UACA: variants seen among roughly 807,000 people sequenced by gnomAD.
The protein encoded by UACA is nuclear membrane binding protein.
A neutral mutation model predicts 160.5 loss-of-function variants in UACA; 112 were observed. That is an observed-to-expected ratio of 0.70 (90% confidence interval 0.60 to 0.82). The LOEUF (loss-of-function observed/expected upper bound fraction) is 0.82. Ranked by LOEUF, UACA falls within the 40% of genes least tolerant of loss-of-function variation. UACA has a pLI of 0.00. For synonymous variants in UACA, 557 were observed against 568.4 expected (o/e 0.98, Z 0.29); for missense variants, 1,574 against 1,614.6 (o/e 0.97, Z 0.43).
the UACA span, among the ~76,000 whole-genome samples, chr15:70,771,886 TG>T: frequency 6.6e-6 from 1 of 152,124 alleles, no homozygotes; most frequent in Admixed American, 6.5e-5. Flanking sequence ...AAGGCCAGTG[TG>T]GCTGGAGCAT....
intron 9 of UACA, among the ~76,000 whole-genome samples, chr15:70,682,549 CTG>C (rs2140933811): frequency 6.6e-6 from 1 of 152,230 alleles, no homozygotes; most frequent in East Asian, 1.9e-4. Flanking sequence ...TTCATTGAAA[CTG>C]AGATCTAATG....
chr15:70,706,263 G>A (rs999752255), intron 1 of UACA, among the ~76,000 whole-genome samples: 1 of 151,982 alleles, frequency 6.6e-6, no homozygotes, highest in Non-Finnish European at 1.5e-5. Context: ...ACTGTGACTA[G>A]AAGGAAACTG....
rs900765014 is a variant in UACA at position 70,668,767 on chromosome 15, T to C, written c.1917A>G (p.Leu639=). Residue 639 remains leucine, a synonymous_variant, in exon 16 of 19, where the codon TTA becomes TTG. Transcript: ENST00000322954. ...TTGCTTTCTCATTCACTTCATTTGATAATGAGCTCTTCATGTTTTCAAATT... is the reference window on the plus strand; with the variant it reads ...TTGCTTTCTCATTCACTTCATTTGACAATGAGCTCTTCATGTTTTCAAATT... The part of the protein sequence containing the change: ...AEKFENMKSS[L]SNEVNEKAKK... 1 of 1,613,850 alleles carries C rather than the reference T, an allele frequency of 6.2e-7. No individual in the cohort carries two copies. Among genetic ancestry groups the C allele is most frequent in the African/African-American group, 1.3e-5 (1 of 74,930 alleles).
In UACA at chr15:70,699,541, C is replaced by G; in HGVS notation, c.198G>C (p.Val66=). Residue 66 remains valine, a synonymous_variant, in exon 2 of 19, where the codon GTG becomes GTC. Transcript: ENST00000322954. ...ATAATACTTACACAGATCTGCCTTCCACATCTAGTTTGCCTGGATTGACCC... is the reference window on the plus strand; with the variant it reads ...ATAATACTTACACAGATCTGCCTTCGACATCTAGTTTGCCTGGATTGACCC... ...KKGVNPGKLD[V]EGRSVFHVVT... 1 of 1,611,010 alleles carries G rather than the reference C, an allele frequency of 6.2e-7. No individual in the cohort carries two copies.
chr15:70,702,037 C>T, intron 1 of UACA: 1 of 1,457,026 alleles, frequency 6.9e-7, no homozygotes, highest in Non-Finnish European at 9.0e-7. Context: ...CCCTCACATG[C>T]TGTGCTACAC....
chr15:70,678,015 T>C (rs1897350886), intron 11 of UACA, 84 bp downstream of exon 11: 1 of 1,080,068 alleles, frequency 9.3e-7, no homozygotes, highest in Non-Finnish European at 1.3e-6. Flanking sequence ...AATGAGCTAA[T>C]TTTACCTTCT....
the UACA span, among the ~76,000 whole-genome samples, chr15:70,771,721 GTCTT>G: frequency 8.5e-5 from 13 of 152,356 alleles, no homozygotes; most frequent in Non-Finnish European, 1.9e-4. Flanking sequence ...GTTGAGGAAA[GTCTT>G]TCTGGAAAAG....
intron 1 of UACA, among the ~76,000 whole-genome samples, chr15:70,714,243 TTCCATTTAG>T (rs1485353838): frequency 6.6e-6 from 1 of 152,186 alleles, no homozygotes; most frequent in Non-Finnish European, 1.5e-5. Flanking sequence ...ATTTCCCCCA[TTCCATTTAG>T]TCCAAAGGTT....
Position 70,701,655 on chromosome 15 carries a change from G to C in UACA, c.79-1995C>G, listed in dbSNP as rs544144557. On this transcript the variant is annotated intron_variant, in intron 1 of 18. Coordinates refer to ENST00000322954, the MANE Select transcript of UACA (RefSeq NM_018003.4). Reference sequence around the variant, plus strand: ...AGCTCTGATTCACTGTCAGTTAACAGTAACACTGTACAATTATTAAGATTT... The same window carrying C: ...AGCTCTGATTCACTGTCAGTTAACACTAACACTGTACAATTATTAAGATTT... Among the ~76,000 whole-genome samples, 21 of 152,326 alleles carry C rather than the reference G, an allele frequency of 1.4e-4. No individual in the cohort carries two copies. The South Asian group carries it at 4.3e-3, about 32-fold the overall frequency.
the UACA span, among the ~76,000 whole-genome samples, chr15:70,772,710 T>C: frequency 6.6e-6 from 1 of 151,890 alleles, no homozygotes; most frequent in Non-Finnish European, 1.5e-5. Context: ...GCCAAATAAA[T>C]GTAATTTAAA....
chr15:70,707,036 A>G (rs1374399379), intron 1 of UACA, among the ~76,000 whole-genome samples: 1 of 152,222 alleles, frequency 6.6e-6, no homozygotes, highest in Non-Finnish European at 1.5e-5. Context: ...ATTTCAAAGC[A>G]TATTATGAAG....
chr15:70,748,207 A>C (rs1354116609), intron 1 of UACA, among the ~76,000 whole-genome samples: 2 of 152,188 alleles, frequency 1.3e-5, no homozygotes, highest in African/African-American at 4.8e-5. Flanking sequence ...AACTTCAATA[A>C]ATTTCAATTC....
At chr15:70,756,709 C>T (rs935052146) in intron 1 of UACA, among the ~76,000 whole-genome samples, 4 of 152,094 alleles carry the variant, frequency 2.6e-5, no homozygotes, top group Admixed American at 2.6e-4. Flanking sequence ...CCTGTCTCTA[C>T]CAAAAATACA....
chr15:70,763,398 G>A lies in UACA; in HGVS notation c.10C>T (p.Leu4Phe). ...TCCTGCCTCCTCAGGCGGGACTTGA[G>A]GCTCTTCATGGCTAACTCTTGCCTG... MKS[L>F]KSRLRRQDVP... The change falls in exon 1 of 19, where the codon CTC (leucine) becomes TTC (phenylalanine). Residue 4 changes from leucine to phenylalanine, a missense_variant. Coordinates refer to ENST00000322954, the MANE Select transcript of UACA (RefSeq NM_018003.4). 1 of 1,320,756 alleles carries A rather than the reference G, an allele frequency of 7.6e-7. No homozygotes were observed. The highest frequency in any genetic ancestry group is 9.7e-7 in the Non-Finnish European group (1 of 1,027,394). 81.8% of individuals were successfully genotyped at this position (1,320,756 alleles called of 1,614,324 possible).
chr15:70,741,714 A>C (rs1026161217), intron 1 of UACA, among the ~76,000 whole-genome samples: 9 of 152,222 alleles, frequency 5.9e-5, no homozygotes, highest in African/African-American at 2.2e-4. Context: ...TGTGATTAAA[A>C]CGTTAGTTTT....
At chr15:70,740,094 CA>C (rs1395792556) in intron 1 of UACA, among the ~76,000 whole-genome samples, 2 of 152,060 alleles carry the variant, frequency 1.3e-5, no homozygotes, top group African/African-American at 4.8e-5. Flanking sequence ...AAAAAGCAAC[CA>C]AGAAATATTT....
At position 70,666,607 on chromosome 15, in the gene UACA, T is replaced by C. The variant is rs1402364463; in HGVS notation, c.3960+117A>G. On this transcript the variant is annotated intron_variant, in intron 16 of 18. Coordinates refer to ENST00000322954, the MANE Select transcript of UACA (RefSeq NM_018003.4). The stretch of plus-strand genomic sequence containing the variant: ...TTCGGAATTTTTGCACGCAAGTTGC[T>C]AAACTGGAAAGGGTCACTTTGTTAA... The C allele has an allele frequency of 9.7e-6, 8 of 826,770 alleles. No homozygotes were observed. The African/African-American group carries it at 1.4e-4, about 15-fold the overall frequency. 51.2% of individuals were successfully genotyped at this position (826,770 alleles called of 1,614,324 possible).
chr15:70,759,963 TA>T (rs2030649431), intron 1 of UACA, among the ~76,000 whole-genome samples: 1 of 152,240 alleles, frequency 6.6e-6, no homozygotes, highest in African/African-American at 2.4e-5. Flanking sequence ...TATTATGTAA[TA>T]AAATACTGCA....
upstream of UACA, among the ~76,000 whole-genome samples, chr15:70,767,209 C>T (rs1408798683): frequency 2.9e-5 from 4 of 139,720 alleles, no homozygotes; most frequent in Admixed American, 1.5e-4. Flanking sequence ...CACTGCACTC[C>T]GGCCTGAGCG....
Sources: gnomAD v4.1 joint callset for allele counts (sites outside exome capture counted in the v4.1 genomes callset) on GRCh38, gnomAD v4.1.1 for gene constraint, MANE v1.5 for transcripts, NCBI Gene and HGNC (gene_info 2026-07-23, HGNC 2026-07-21) for gene names.